The following GUCA1C variants were observed in gnomAD, a reference collection of about 807,000 sequenced individuals.
The protein encoded by GUCA1C is guanylyl cyclase-activating protein 3.
In GUCA1C, 15 loss-of-function variants were observed where a neutral mutation model predicts 16.2. The ratio of observed to expected loss-of-function variants is 0.93; its 90% CI spans 0.62 to 1.43. The LOEUF (loss-of-function observed/expected upper bound fraction) is 1.43, where lower values mean the gene tolerates loss of function less well. Among genes scored for constraint, GUCA1C ranks in the 40% most tolerant of loss-of-function variants. The probability of loss-of-function intolerance (pLI) is 0.00; values close to 1 mark genes in which losing one functional copy is unlikely to be tolerated. For missense variants in GUCA1C, 275 were observed against 244.8 expected (o/e 1.12, Z -0.82); for synonymous variants, 78 against 85.4 (o/e 0.91, Z 0.48).
chr3:108,944,255 G>A (rs1158190747), intron 1 of GUCA1C, among the ~76,000 whole-genome samples: 1 of 152,124 alleles, frequency 6.6e-6, no homozygotes, highest in Non-Finnish European at 1.5e-5. Context: ...GTTTCCTGCA[G>A]GGTAAACACA....
At chr3:108,924,568 C>T (rs952285961) in intron 1 of GUCA1C, among the ~76,000 whole-genome samples, 1 of 151,942 alleles carries the variant, frequency 6.6e-6, no homozygotes, top group African/African-American at 2.4e-5. Context: ...GTTTTTGCAT[C>T]TTTGTTCATC....
intron 3 of GUCA1C, among the ~76,000 whole-genome samples, chr3:108,910,093 T>C (rs1484027370): frequency 6.6e-6 from 1 of 152,238 alleles, no homozygotes; most frequent in Non-Finnish European, 1.5e-5. Flanking sequence ...CATTACTTCC[T>C]ATTCTGCTTT....
intron 1 of GUCA1C, among the ~76,000 whole-genome samples, chr3:108,948,039 G>C (rs1292338866): frequency 6.6e-6 from 1 of 152,132 alleles, no homozygotes; most frequent in African/African-American, 2.4e-5. Flanking sequence ...GCATATAGCT[G>C]TTGATCTGGA....
chr3:108,924,431 G>T, intron 1 of GUCA1C, among the ~76,000 whole-genome samples: 1 of 151,950 alleles, frequency 6.6e-6, no homozygotes, highest in Non-Finnish European at 1.5e-5. Flanking sequence ...TGTTTATGTG[G>T]TGTATTACAT....
chr3:108,949,061 C>T (rs190736813), intron 1 of GUCA1C, among the ~76,000 whole-genome samples: 20 of 152,084 alleles, frequency 1.3e-4, no homozygotes, highest in Admixed American at 9.2e-4. Flanking sequence ...CTGGCCAGGC[C>T]GGTCTCGAAC....
intron 1 of GUCA1C, among the ~76,000 whole-genome samples, chr3:108,930,170 T>G (rs568220696): frequency 1.3e-5 from 2 of 152,336 alleles, no homozygotes; most frequent in African/African-American, 4.8e-5. Context: ...TGAGTTCTGA[T>G]GCTAACGGTG....
intron 1 of GUCA1C, among the ~76,000 whole-genome samples, chr3:108,932,244 G>A (rs1946673984): frequency 6.7e-6 from 1 of 149,506 alleles, no homozygotes; most frequent in African/African-American, 2.5e-5. Flanking sequence ...ATTGGCCTGA[G>A]CCTGAGTGGG....
Position 108,916,202 on chromosome 3 carries a change from G to A in GUCA1C, c.367C>T (p.Leu123Phe), listed in dbSNP as rs1433115026. The A allele has an allele frequency of 1.9e-6, 3 of 1,610,258 alleles. No homozygotes were observed. Among genetic ancestry groups the A allele is most frequent in the African/African-American group, 1.3e-5 (1 of 74,710 alleles). Residue 123 changes from leucine to phenylalanine, a missense_variant, in exon 3 of 4, where the codon CTC (leucine) becomes TTC (phenylalanine). Coordinates refer to ENST00000261047, the MANE Select transcript of GUCA1C (RefSeq NM_005459.4). ...LLDMFMAVQALNGQQTLSPEE... is the reference protein window; with the variant it reads ...LLDMFMAVQAFNGQQTLSPEE... ...GGACTCAGAGTTTGCTGGCCATTGA[G>A]GGCTTGTACCGCCTGCAAAAAGACA...
chr3:108,932,871 G>C (rs1226995696), intron 1 of GUCA1C, among the ~76,000 whole-genome samples: 1 of 138,798 alleles, frequency 7.2e-6, no homozygotes, highest in East Asian at 2.1e-4. Flanking sequence ...GCGGTGAGCC[G>C]AGATCGCGCC....
chr3:108,954,743 T>C (rs1308571678), upstream of GUCA1C, among the ~76,000 whole-genome samples: 1 of 150,060 alleles, frequency 6.7e-6, no homozygotes, highest in Non-Finnish European at 1.5e-5. Flanking sequence ...TCCTTTTTTT[T>C]TTTTTTTTTT....
intron 1 of GUCA1C, among the ~76,000 whole-genome samples, chr3:108,924,395 C>T (rs1946600682): frequency 6.6e-6 from 1 of 152,048 alleles, no homozygotes; most frequent in Non-Finnish European, 1.5e-5. Context: ...TGTCTATTGA[C>T]ATGATCATGT....
chr3:108,935,159 T>C (rs1317823872), intron 1 of GUCA1C, among the ~76,000 whole-genome samples: 1 of 151,694 alleles, frequency 6.6e-6, no homozygotes, highest in African/African-American at 2.4e-5. Flanking sequence ...CTCATGGACA[T>C]AAACATGGCA....
intron 1 of GUCA1C, among the ~76,000 whole-genome samples, chr3:108,930,281 C>T (rs1055530264): frequency 6.6e-6 from 1 of 152,118 alleles, no homozygotes; most frequent in Non-Finnish European, 1.5e-5. Context: ...ATAAAGTAAA[C>T]CACTGCTCCC....
intron 1 of GUCA1C, among the ~76,000 whole-genome samples, chr3:108,943,529 G>A (rs1357362035): frequency 6.6e-6 from 1 of 152,026 alleles, no homozygotes; most frequent in African/African-American, 2.4e-5. Context: ...GATAAGGAGG[G>A]GGACTATCTC....
chr3:108,932,924 C>CAAAAAAAAAAAAAAAAAAAAAA (rs57918246), intron 1 of GUCA1C, among the ~76,000 whole-genome samples: 1 of 68,674 alleles, frequency 1.5e-5, no homozygotes, highest in African/African-American at 4.9e-5. Context: ...AAAAAAATCT[C>CAAAAAAAAAAAAAAAAAAAAAA]AAAAAAAAAA....
chr3:108,942,091 AT>A (rs1946791939), intron 1 of GUCA1C, among the ~76,000 whole-genome samples: 1 of 152,168 alleles, frequency 6.6e-6, no homozygotes. Context: ...TCTAATCCTG[AT>A]GTGTAGTTTC....
At chr3:108,951,556 T>C (rs1025386761) in intron 1 of GUCA1C, among the ~76,000 whole-genome samples, 7 of 152,208 alleles carry the variant, frequency 4.6e-5, no homozygotes, top group African/African-American at 1.7e-4. Context: ...TATCAATTCA[T>C]CTAATTAAAT....
intron 1 of GUCA1C, among the ~76,000 whole-genome samples, chr3:108,935,090 G>A (rs149213782): frequency 0.025 from 3,841 of 151,984 alleles, 73 homozygotes; most frequent in Middle Eastern, 0.12. Context: ...TGGGATTACA[G>A]GCATGAGTCA....
chr3:108,916,193 G>A lies in GUCA1C; in HGVS notation c.376C>T (p.Gln126Ter), dbSNP rs1262583174. 1.9e-6 allele frequency: 3 copies of A among 1,613,342 alleles called. No individual in the cohort carries two copies. Among genetic ancestry groups the A allele is most frequent in the Non-Finnish European group, 2.5e-6 (3 of 1,179,740 alleles). Residue 126 changes from glutamine to a stop codon, truncating the protein, a stop_gained, in exon 3 of 4, where the codon CAG becomes TAG. Transcript: ENST00000261047. LOFTEE classifies it high-confidence loss of function. ...AATTCTTCAGGACTCAGAGTTTGCT[G>A]GCCATTGAGGGCTTGTACCGCCTGC... ...MFMAVQALNG[Q>*]QTLSPEEFIN...
Sources: allele counts gnomAD v4.1 joint callset (sites outside exome capture counted in the v4.1 genomes callset), GRCh38; gene constraint gnomAD v4.1.1; transcripts MANE v1.5; gene names NCBI Gene and HGNC (gene_info 2026-07-23, HGNC 2026-07-21).